The following PPP2CA variants were observed in gnomAD, a reference collection of about 807,000 sequenced individuals.
The protein encoded by PPP2CA is protein phosphatase 2 catalytic subunit alpha.
A neutral mutation model predicts 38.8 loss-of-function variants in PPP2CA; 5 were observed. The observed-to-expected ratio is 0.13, with a 90% CI of 0.07 to 0.27. PPP2CA has a LOEUF of 0.27. PPP2CA is among the 10% of genes least tolerant of loss of function. The pLI, the probability that PPP2CA is intolerant of heterozygous loss-of-function variation, is 1.00. For missense variants in PPP2CA, 88 were observed against 389.7 expected (o/e 0.23, Z 6.52); for synonymous variants, 152 against 134.0 (o/e 1.13, Z -0.93).
At chr5:134,221,911 T>C (rs370484560) in intron 1 of PPP2CA, among the ~76,000 whole-genome samples, 2 of 145,246 alleles carry the variant, frequency 1.4e-5, no homozygotes, top group East Asian at 4.0e-4. Flanking sequence ...GAGGTTGCAG[T>C]GAGCCGAGAT....
intron 2 of PPP2CA, chr5:134,202,230 T>C (rs1253623648): frequency 4.3e-6 from 2 of 470,422 alleles, no homozygotes; most frequent in Non-Finnish European, 7.4e-6. Context: ...AAAATCAAAC[T>C]CCCTCTACCA....
Position 134,225,843 on chromosome 5 carries a change from T to C in PPP2CA, c.19A>G (p.Thr7Ala). The C allele has an allele frequency of 1.2e-6, 2 of 1,608,952 alleles. No individual in the cohort carries two copies. The highest frequency in any genetic ancestry group is 4.5e-5 in the East Asian group (2 of 44,618). The part of the protein sequence containing the change: MDEKVF[T>A]KELDQWIEQL... ...TCGATCCACTGGTCCAGCTCCTTGG[T>C]GAACACCTTCTCGTCCATGATGCCA... Residue 7 changes from threonine (T) to alanine (A), a missense_variant, in exon 1 of 7, where the codon ACC becomes GCC. Thr to Ala is a moderately conservative substitution (Grantham distance 58). Coordinates refer to ENST00000481195, the MANE Select transcript of PPP2CA (RefSeq NM_002715.4).
At chr5:134,206,684 G>T (rs1377336823) in intron 1 of PPP2CA, among the ~76,000 whole-genome samples, 1 of 152,110 alleles carries the variant, frequency 6.6e-6, no homozygotes, top group African/African-American at 2.4e-5. Context: ...TAGAGACGGG[G>T]TCTCACGTGA....
At chr5:134,225,515 T>G (rs112421900) in intron 1 of PPP2CA, 9 of 441,038 alleles carry the variant, frequency 2.0e-5, no homozygotes, top group African/African-American at 1.7e-4. Context: ...CAAGGCCGGC[T>G]GACTCAAAAG....
chr5:134,222,477 T>A (rs1337623442), intron 1 of PPP2CA, among the ~76,000 whole-genome samples: 1 of 152,182 alleles, frequency 6.6e-6, no homozygotes, highest in Non-Finnish European at 1.5e-5. Context: ...GACTAATGAC[T>A]GCACTTTATT....
intron 1 of PPP2CA, chr5:134,224,264 G>A: frequency 2.2e-6 from 1 of 454,996 alleles, no homozygotes; most frequent in Non-Finnish European, 4.4e-6. Flanking sequence ...AACCTCATTT[G>A]ACGTGAGAGG....
chr5:134,210,176 T>G (rs887528846), intron 1 of PPP2CA, among the ~76,000 whole-genome samples: 1 of 151,948 alleles, frequency 6.6e-6, no homozygotes, highest in Non-Finnish European at 1.5e-5. Context: ...GCCTTATAAA[T>G]CCTGAAAGCA....
chr5:134,200,565 T>C, intron 4 of PPP2CA, 69 bp from the exon 5 acceptor site: 1 of 1,539,652 alleles, frequency 6.5e-7, no homozygotes, highest in Non-Finnish European at 8.8e-7. Flanking sequence ...GAGTAATTCA[T>C]CAGAAGCAGC....
At chr5:134,204,850 C>T (rs1762044313) in intron 2 of PPP2CA, among the ~76,000 whole-genome samples, 1 of 151,834 alleles carries the variant, frequency 6.6e-6, no homozygotes, top group Non-Finnish European at 1.5e-5. Flanking sequence ...ATGTAATGTA[C>T]ATAATATTCT....
chr5:134,210,673 A>G (rs1271676584), intron 1 of PPP2CA, among the ~76,000 whole-genome samples: 1 of 152,170 alleles, frequency 6.6e-6, no homozygotes. Flanking sequence ...GTGAAACCCC[A>G]GCTCTACTAA....
intron 2 of PPP2CA, among the ~76,000 whole-genome samples, chr5:134,202,864 C>T (rs560030749): frequency 6.6e-6 from 1 of 152,206 alleles, no homozygotes; most frequent in Non-Finnish European, 1.5e-5. Flanking sequence ...AGAGTTTAAT[C>T]TCCGGTATTA....
chr5:134,214,441 T>C (rs568665470), intron 1 of PPP2CA, among the ~76,000 whole-genome samples: 1 of 152,226 alleles, frequency 6.6e-6, no homozygotes, highest in Admixed American at 6.5e-5. Flanking sequence ...AATTGTGGGA[T>C]TACAGGGCAA....
At chr5:134,224,840 C>G (rs1762530111) in intron 1 of PPP2CA, among the ~76,000 whole-genome samples, 2 of 152,242 alleles carry the variant, frequency 1.3e-5, no homozygotes, top group South Asian at 2.1e-4. Flanking sequence ...AGCACAATGT[C>G]TGGAATACAA....
At chr5:134,217,032 A>C (rs953377266) in intron 1 of PPP2CA, among the ~76,000 whole-genome samples, 14 of 152,264 alleles carry the variant, frequency 9.2e-5, no homozygotes, top group Non-Finnish European at 1.5e-5. Flanking sequence ...CTGTAATCCC[A>C]GCACTTTGGG....
At chr5:134,212,793 C>A (rs529032885) in intron 1 of PPP2CA, among the ~76,000 whole-genome samples, 1 of 152,308 alleles carries the variant, frequency 6.6e-6, no homozygotes, top group Middle Eastern at 3.4e-3. Context: ...AGTCTTATTG[C>A]AGATACGGAC....
chr5:134,218,328 A>C (rs939758273), intron 1 of PPP2CA, among the ~76,000 whole-genome samples: 5 of 152,224 alleles, frequency 3.3e-5, no homozygotes, highest in African/African-American at 1.2e-4. Flanking sequence ...AAGTGTAATA[A>C]AAGAAAATAT....
intron 1 of PPP2CA, among the ~76,000 whole-genome samples, chr5:134,212,432 G>A (rs1282487625): frequency 1.3e-5 from 2 of 152,156 alleles, no homozygotes; most frequent in East Asian, 1.9e-4. Flanking sequence ...GTGCCCATAA[G>A]ACAATGAACT....
rs375899176 is a variant in PPP2CA, at chr5:134,217,583, G to A, written c.102+8177C>T. Among the ~76,000 whole-genome samples the A allele has an allele frequency of 8.8e-4, 134 of 152,182 alleles. 2 individuals carry two copies. The South Asian group carries it at 0.024, about 27-fold the overall frequency. On this transcript the variant is annotated intron_variant, in intron 1 of 6. Coordinates refer to ENST00000481195, the MANE Select transcript of PPP2CA (RefSeq NM_002715.4). ...ATACTGTTTTTATGTCAAGATGTAC[G>A]GTTGGTTTGATATGTCATTTTGATA... is the stretch of plus-strand genomic sequence containing the variant.
At position 134,226,041 on chromosome 5, in the gene PPP2CA, C is replaced by G. The variant is rs879015493; in HGVS notation, c.-180G>C. On this transcript the variant is annotated 5_prime_UTR_variant, in exon 1 of 7. Transcript: ENST00000481195. Reference sequence around the variant, plus strand: ...CCGTCGGCCGCTGCGCCTCCTCCTCCGCTCGCTGAGGCTCCAGAGCTCGGC... The same window carrying G: ...CCGTCGGCCGCTGCGCCTCCTCCTCGGCTCGCTGAGGCTCCAGAGCTCGGC... 1.9e-6 allele frequency: 1 copy of G among 534,580 alleles called. No homozygotes were observed. The highest frequency in any genetic ancestry group is 3.3e-6 in the Non-Finnish European group (1 of 306,128). The allele number at this position is 534,580 out of a possible 1,614,324, so 33.1% of individuals were successfully genotyped here.
Sources: allele counts gnomAD v4.1 joint callset (sites outside exome capture counted in the v4.1 genomes callset), GRCh38; gene constraint gnomAD v4.1.1; transcripts MANE v1.5; gene names NCBI Gene and HGNC (gene_info 2026-07-23, HGNC 2026-07-21).